The following MCC variants were observed in gnomAD, a reference collection of about 807,000 sequenced individuals.
The protein encoded by MCC is colorectal mutant cancer protein.
MCC carries 90 observed loss-of-function variants against 116.2 expected under a neutral mutation model. The ratio of observed to expected loss-of-function variants is 0.77; its 90% CI spans 0.65 to 0.92. The LOEUF is 0.92. Among genes scored for constraint, MCC ranks in the 40% least tolerant of loss-of-function variants. The probability of loss-of-function intolerance (pLI) is 0.00; values close to 1 mark genes in which losing one functional copy is unlikely to be tolerated. For synonymous variants in MCC, 578 were observed against 510.5 expected (o/e 1.13, Z -1.78); for missense variants, 1,516 against 1,312.2 (o/e 1.16, Z -2.40).
intron 1 of MCC, chr5:113,433,638 A>C (rs1580368800): frequency 7.1e-7 from 1 of 1,404,948 alleles, no homozygotes; most frequent in African/African-American, 1.4e-5. Flanking sequence ...ATAGAGGCTC[A>C]TCTGGGACTG....
chr5:113,429,399 C>T (rs185967862), intron 1 of MCC, among the ~76,000 whole-genome samples: 111 of 152,250 alleles, frequency 7.3e-4, no homozygotes, highest in African/African-American at 2.6e-3. Context: ...TCTTGGATCT[C>T]CTAGCCTCCA....
At chr5:113,393,737 A>T (rs1389718768) in intron 1 of MCC, among the ~76,000 whole-genome samples, 4 of 152,210 alleles carry the variant, frequency 2.6e-5, no homozygotes, top group African/African-American at 9.7e-5. Flanking sequence ...CATTCATAAC[A>T]TATAATCCCA....
intron 3 of MCC, among the ~76,000 whole-genome samples, chr5:113,222,090 C>T (rs1763572294): frequency 6.6e-6 from 1 of 152,142 alleles, no homozygotes. Context: ...TCCCTCTATT[C>T]TTAAATTCCT....
intron 3 of MCC, among the ~76,000 whole-genome samples, chr5:113,277,417 T>C (rs559734259): frequency 2.0e-5 from 3 of 151,780 alleles, no homozygotes; most frequent in Non-Finnish European, 4.4e-5. Flanking sequence ...AAATACAAAA[T>C]TTTTTGTTTA....
intron 3 of MCC, among the ~76,000 whole-genome samples, chr5:113,291,196 C>T (rs2150361104): frequency 6.6e-6 from 1 of 152,282 alleles, no homozygotes; most frequent in Non-Finnish European, 1.5e-5. Flanking sequence ...ATGCAAAACA[C>T]CTCATGCCCA....
At chr5:113,472,459 T>C (rs1273226597) in intron 1 of MCC, among the ~76,000 whole-genome samples, 2 of 152,240 alleles carry the variant, frequency 1.3e-5, no homozygotes, top group Non-Finnish European at 2.9e-5. Context: ...TGTATACTTA[T>C]TGCATAAGAC....
At chr5:113,118,877 G>C (rs1258229907) in intron 6 of MCC, among the ~76,000 whole-genome samples, 1 of 152,128 alleles carries the variant, frequency 6.6e-6, no homozygotes, top group Non-Finnish European at 1.5e-5. Flanking sequence ...TGTCCTCCTG[G>C]GGGATCTGGC....
intron 17 of MCC, among the ~76,000 whole-genome samples, chr5:113,031,549 A>G (rs1296166776): frequency 6.6e-6 from 1 of 152,044 alleles, no homozygotes; most frequent in Non-Finnish European, 1.5e-5. Flanking sequence ...AGAGCCCTTT[A>G]TCTTTCATTC....
At chr5:113,422,324 A>ATATAGTATCCCAAGTATACTATATT (rs1770361751) in intron 1 of MCC, among the ~76,000 whole-genome samples, 1 of 152,228 alleles carries the variant, frequency 6.6e-6, no homozygotes, top group African/African-American at 2.4e-5. Context: ...GAGCATGGAT[A>ATATAGTATCCCAAGTATACTATATT]ACTGTAAATA....
chr5:113,253,465 T>C (rs1764877793), intron 3 of MCC, among the ~76,000 whole-genome samples: 1 of 152,150 alleles, frequency 6.6e-6, no homozygotes, highest in African/African-American at 2.4e-5. Context: ...CCATCCTGCT[T>C]GCTTCACCTT....
At chr5:113,290,799 A>G (rs1284041482) in intron 3 of MCC, among the ~76,000 whole-genome samples, 2 of 152,208 alleles carry the variant, frequency 1.3e-5, no homozygotes, top group Non-Finnish European at 2.9e-5. Flanking sequence ...GAGAGGTTGA[A>G]TTCAAACATT....
Position 113,404,288 on chromosome 5 carries a change from T to C in MCC, c.171-19076A>G, listed in dbSNP as rs1023595693. On this transcript the variant is annotated intron_variant, in intron 1 of 18. Transcript: ENST00000408903. The stretch of plus-strand genomic sequence containing the variant: ...AGCTCTGAAACATCAACACTTCCCT[T>C]ATTTCCCTCATCTATGAGGAAACAC... Among the ~76,000 whole-genome samples the C allele has an allele frequency of 6.6e-5, 10 of 152,352 alleles. No individual in the cohort carries two copies. In the Middle Eastern group the frequency reaches 0.014, roughly 207 times the overall value.
intron 3 of MCC, among the ~76,000 whole-genome samples, chr5:113,312,267 A>T (rs957559964): frequency 3.9e-5 from 6 of 151,940 alleles, no homozygotes; most frequent in Admixed American, 1.3e-4. Flanking sequence ...ACAAAGCAGA[A>T]CTCTGTCTGA....
intron 9 of MCC, among the ~76,000 whole-genome samples, chr5:113,084,799 T>C (rs780143902): frequency 2.4e-4 from 36 of 152,198 alleles, no homozygotes; most frequent in Middle Eastern, 3.2e-3. Flanking sequence ...GGGGAGATCA[T>C]TGGTTCATTA....
chr5:113,452,341 C>T (rs1301766649), intron 1 of MCC, among the ~76,000 whole-genome samples: 5 of 152,184 alleles, frequency 3.3e-5, no homozygotes, highest in African/African-American at 1.2e-4. Flanking sequence ...CCCCCAAATT[C>T]ATATGTTAAA....
chr5:113,086,779 C>T (rs934578239), intron 8 of MCC, among the ~76,000 whole-genome samples: 5 of 152,186 alleles, frequency 3.3e-5, no homozygotes, highest in Admixed American at 1.3e-4. Context: ...CAGACTTTGT[C>T]GGGCTGGGAA....
intron 1 of MCC, among the ~76,000 whole-genome samples, chr5:113,421,091 T>C (rs1194998873): frequency 6.6e-6 from 1 of 152,078 alleles, no homozygotes; most frequent in Non-Finnish European, 1.5e-5. Context: ...TGGCACGATA[T>C]CAGCTCACTG....
chr5:113,253,551 T>C (rs1227165843), intron 3 of MCC, among the ~76,000 whole-genome samples: 2 of 151,832 alleles, frequency 1.3e-5, no homozygotes, highest in South Asian at 4.2e-4. Context: ...ATACTCCTAG[T>C]GAAAGAAAAG....
intron 11 of MCC, among the ~76,000 whole-genome samples, chr5:113,081,836 C>A (rs1380849090): frequency 6.6e-6 from 1 of 152,222 alleles, no homozygotes; most frequent in Admixed American, 6.5e-5. Context: ...GCAGGACTAA[C>A]ATGATAATTC....
Sources: gnomAD v4.1 joint callset for allele counts (sites outside exome capture counted in the v4.1 genomes callset) on GRCh38, gnomAD v4.1.1 for gene constraint, MANE v1.5 for transcripts, NCBI Gene and HGNC (gene_info 2026-07-23, HGNC 2026-07-21) for gene names.